Variants in LMF1 observed in about 807,000 individuals in gnomAD.
The protein encoded by LMF1 is transmembrane protein 112.
Under a neutral mutation model 60.6 loss-of-function variants are expected in LMF1, and 68 were observed. That is an observed-to-expected ratio of 1.12 (90% CI 0.92 to 1.37). The LOEUF is 1.37. LMF1 is among the 40% of genes most tolerant of loss of function. The probability of loss-of-function intolerance (pLI) is 0.00; values close to 1 mark genes in which losing one functional copy is unlikely to be tolerated. For synonymous variants in LMF1, 418 were observed against 324.7 expected (o/e 1.29, Z -3.09); for missense variants, 948 against 767.2 (o/e 1.24, Z -2.78).
At chr16:879,854 C>T (rs1356278466) in intron 5 of LMF1, 117 bp from the exon 6 acceptor site, 21 of 1,034,260 alleles carry the variant, frequency 2.0e-5, no homozygotes, top group Admixed American at 7.2e-5. Context: ...AGGATCCCCC[C>T]GGCCCGCCTG....
chr16:947,281 T>C (rs1006222997), intron 2 of LMF1: 5 of 354,762 alleles, frequency 1.4e-5, no homozygotes, highest in Non-Finnish European at 2.8e-5. Context: ...TCCCTTCCCA[T>C]GCATTAACAC....
In LMF1 at chr16:954,030, A is replaced by G. The variant is rs56347638; in HGVS notation, c.503+327T>C. On this transcript the variant is annotated intron_variant, in intron 2 of 10. Coordinates refer to ENST00000262301, the MANE Select transcript of LMF1 (RefSeq NM_022773.4). Reference sequence around the variant, plus strand: ...ACACGTCCACACAGACACCCACCCCAAACCAGCCTCCTACACGTCCACACA... The same window carrying G: ...ACACGTCCACACAGACACCCACCCCGAACCAGCCTCCTACACGTCCACACA... Among the ~76,000 whole-genome samples, 42 of 116,422 alleles carry G rather than the reference A, an allele frequency of 3.6e-4. 8 individuals carry two copies. The highest frequency in any genetic ancestry group is 1.3e-3 in the Admixed American group (14 of 10,914). 76.4% of individuals were successfully genotyped at this position (116,422 alleles called of 152,430 possible).
At chr16:890,805 G>C (rs1397583171) in intron 5 of LMF1, among the ~76,000 whole-genome samples, 1 of 152,210 alleles carries the variant, frequency 6.6e-6, no homozygotes, top group African/African-American at 2.4e-5. Flanking sequence ...CCAAGCTCCA[G>C]GGAGAGTGGG....
In LMF1 at chr16:874,203, C is replaced by A. The variant is rs560730021; in HGVS notation, c.898-2862G>T. On this transcript the variant is annotated intron_variant, in intron 6 of 10. Coordinates refer to ENST00000262301, the MANE Select transcript of LMF1 (RefSeq NM_022773.4). This position sits in a 1 kb window ranked among gnomAD's most constrained non-coding sequence, Gnocchi z 4.1. ...GTTATCTGTGTTGTTTCATCACAACCGAAACACAGCTAAGGGCCGGTGAGC... is the reference window on the plus strand; with the variant it reads ...GTTATCTGTGTTGTTTCATCACAACAGAAACACAGCTAAGGGCCGGTGAGC... Among the ~76,000 whole-genome samples, 2 of 152,322 alleles carry A rather than the reference C, an allele frequency of 1.3e-5. No individual in the cohort carries two copies. The highest frequency in any genetic ancestry group is 3.9e-4 in the East Asian group (2 of 5,186).
At chr16:973,003 G>A (rs541685666), upstream of LMF1, among the ~76,000 whole-genome samples, 1 of 152,176 alleles carries the variant, frequency 6.6e-6, no homozygotes, top group Non-Finnish European at 1.5e-5. Flanking sequence ...AGCTCTGGTC[G>A]TGCCCATTTC....
At chr16:905,952 C>A (rs1429251066) in intron 4 of LMF1, among the ~76,000 whole-genome samples, 1 of 152,144 alleles carries the variant, frequency 6.6e-6, no homozygotes, top group East Asian at 1.9e-4. Flanking sequence ...TCCTAAGAGA[C>A]TTTTGCCTAT....
chr16:854,994 C>T (rs574085009), intron 10 of LMF1: 8 of 519,284 alleles, frequency 1.5e-5, no homozygotes, highest in African/African-American at 5.7e-5. Flanking sequence ...GGGACCGGCC[C>T]GGGGAAGGCC....
At chr16:955,717 G>C (rs1401953763) in intron 1 of LMF1, among the ~76,000 whole-genome samples, 1 of 152,352 alleles carries the variant, frequency 6.6e-6, no homozygotes, top group Non-Finnish European at 1.5e-5. Flanking sequence ...AAGTAAAGTA[G>C]ACATGTGTAT....
upstream of LMF1, among the ~76,000 whole-genome samples, chr16:972,705 C>T (rs933621387): frequency 2.0e-5 from 3 of 152,230 alleles, no homozygotes; most frequent in Non-Finnish European, 4.4e-5. Context: ...AGCTTCCCCT[C>T]GCTGGGCCGA....
intron 5 of LMF1, among the ~76,000 whole-genome samples, chr16:888,258 G>A (rs926784223): frequency 5.3e-5 from 8 of 152,220 alleles, no homozygotes; most frequent in African/African-American, 1.4e-4. Context: ...CCTGTGCCGC[G>A]TCTGGGAAGT....
At chr16:869,240 G>A in intron 9 of LMF1, 184 bp from the exon 10 acceptor site, 1 of 668,300 alleles carries the variant, frequency 1.5e-6, no homozygotes, top group Non-Finnish European at 2.7e-6. Flanking sequence ...GTGTAGCCCT[G>A]ACCACTCATT....
intron 3 of LMF1, among the ~76,000 whole-genome samples, chr16:932,081 G>A (rs565375098): frequency 9.7e-4 from 147 of 152,330 alleles, no homozygotes; most frequent in African/African-American, 3.4e-3. Context: ...CAAGTGGTTG[G>A]GGACGCGGGA....
rs369424855 is a variant in LMF1 at position 954,560 on chromosome 16, G to T, written c.300C>A (p.Asp100Glu). ...FLKNFQQYFQ[D>E]RTSWEVFSYM... ...AGCTGAAGACTTCCCAGCTCGTCCT[G>T]TCCTGGAAGTACTGCTGGAAGTTCT... The change falls in exon 2 of 11, where the codon GAC becomes GAA. Residue 100 changes from aspartate to glutamate, a missense_variant. Coordinates refer to ENST00000262301, the MANE Select transcript of LMF1 (RefSeq NM_022773.4). 9.9e-6 allele frequency: 16 copies of T among 1,613,206 alleles called. No individual in the cohort carries two copies. The highest frequency in any genetic ancestry group is 1.2e-5 in the Non-Finnish European group (14 of 1,179,848).
At chr16:912,052 A>G (rs899972026) in intron 3 of LMF1, among the ~76,000 whole-genome samples, 2 of 152,130 alleles carry the variant, frequency 1.3e-5, no homozygotes, top group African/African-American at 4.8e-5. Context: ...GGAAGGTCAC[A>G]TCCCAGGGCC....
chr16:944,942 C>T (rs959055451), intron 2 of LMF1, among the ~76,000 whole-genome samples: 14 of 151,762 alleles, frequency 9.2e-5, no homozygotes, highest in Non-Finnish European at 1.3e-4. Flanking sequence ...GGCTGGGCAC[C>T]GTGGCTCATG....
chr16:963,952 A>G, intron 1 of LMF1: 1 of 430,278 alleles, frequency 2.3e-6, no homozygotes, highest in South Asian at 1.6e-5. Context: ...AAACTAACCA[A>G]GCAGTCAAGC....
chr16:954,712 C>T (rs753416656), intron 1 of LMF1, 46 bp from the exon 2 acceptor site: 14 of 1,521,468 alleles, frequency 9.2e-6, no homozygotes, highest in Non-Finnish European at 1.2e-5. Flanking sequence ...GAACAAACCA[C>T]ATGTGGACAC....
chr16:933,548 G>GT, intron 3 of LMF1: 12 of 176,922 alleles, frequency 6.8e-5, no homozygotes, highest in South Asian at 2.7e-4. Context: ...GAGCCTGAGT[G>GT]CGAGGCCCAG....
chr16:894,845 T>C (rs2070617096), intron 4 of LMF1, among the ~76,000 whole-genome samples: 1 of 152,180 alleles, frequency 6.6e-6, no homozygotes, highest in African/African-American at 2.4e-5. Flanking sequence ...CCTGGTACCA[T>C]GACACTGGGC....
Sources: allele counts gnomAD v4.1 joint callset (sites outside exome capture counted in the v4.1 genomes callset), GRCh38; gene constraint gnomAD v4.1.1; non-coding constraint Gnocchi (gnomAD v3.1); transcripts MANE v1.5; gene names NCBI Gene and HGNC (gene_info 2026-07-23, HGNC 2026-07-21).